The following CTNNA3 variants were observed in gnomAD, a reference collection of about 807,000 sequenced individuals.
The protein encoded by CTNNA3 is catenin alpha 3.
In CTNNA3, 76 loss-of-function variants were observed where a neutral mutation model predicts 95.7. That is an observed-to-expected ratio of 0.79 (90% CI 0.66 to 0.96). CTNNA3 has a LOEUF of 0.96. Among genes scored for constraint, CTNNA3 ranks in the 40% least tolerant of loss-of-function variants. The probability of loss-of-function intolerance (pLI) is 0.00; values close to 1 mark genes in which losing one functional copy is unlikely to be tolerated. For synonymous variants in CTNNA3, 431 were observed against 374.4 expected, an observed-to-expected ratio of 1.15 and a Z score of -1.74; for missense variants, 1,191 against 1,089.8, an observed-to-expected ratio of 1.09 and a Z score of -1.31.
chr10:66,273,622 A>G (rs2091328708), intron 13 of CTNNA3, among the ~76,000 whole-genome samples: 1 of 152,210 alleles, frequency 6.6e-6, no homozygotes, highest in Non-Finnish European at 1.5e-5. Flanking sequence ...CGAGGCTAAA[A>G]TTTAATTTTA....
chr10:66,355,837 T>C (rs1262640688), intron 12 of CTNNA3, among the ~76,000 whole-genome samples: 1 of 152,020 alleles, frequency 6.6e-6, no homozygotes, highest in Non-Finnish European at 1.5e-5. Flanking sequence ...CTATTGTAAT[T>C]TAAAGCTGTT....
chr10:67,430,623 AG>A (rs1018919943), intron 5 of CTNNA3, among the ~76,000 whole-genome samples: 3 of 151,914 alleles, frequency 2.0e-5, no homozygotes, highest in Non-Finnish European at 2.9e-5. Flanking sequence ...ACTCAGGTCC[AG>A]GTCATTCATT....
At chr10:66,972,066 C>G (rs1175387962) in intron 7 of CTNNA3, among the ~76,000 whole-genome samples, 2 of 152,246 alleles carry the variant, frequency 1.3e-5, no homozygotes, top group Admixed American at 1.3e-4. Flanking sequence ...ATCTTGAACT[C>G]TACACTCCAC....
intron 7 of CTNNA3, among the ~76,000 whole-genome samples, chr10:67,134,374 G>T (rs568441656): frequency 6.6e-6 from 1 of 152,080 alleles, no homozygotes; most frequent in African/African-American, 2.4e-5. Flanking sequence ...TCTGCTACAG[G>T]TTGGCACCAT....
chr10:67,484,163 G>A (rs1446656200), intron 5 of CTNNA3, among the ~76,000 whole-genome samples: 2 of 152,240 alleles, frequency 1.3e-5, no homozygotes, highest in South Asian at 4.1e-4. Context: ...AGAGAGCCCA[G>A]AATCAAAGCT....
At chr10:67,097,984 A>G in intron 7 of CTNNA3, 2 of 593,396 alleles carry the variant, frequency 3.4e-6, no homozygotes, top group South Asian at 4.1e-5. Context: ...TACACTTTGT[A>G]ATTAGCTAAG....
At chr10:67,181,428 TAGGCATAATGTG>T (rs1202967669) in intron 6 of CTNNA3, among the ~76,000 whole-genome samples, 1 of 152,146 alleles carries the variant, frequency 6.6e-6, no homozygotes, top group Admixed American at 6.6e-5. Flanking sequence ...TTTCCAAGAT[TAGGCATAATGTG>T]AGAATTGAAG....
At position 66,491,379 on chromosome 10, in the gene CTNNA3, T is replaced by A. The variant is rs535597807; in HGVS notation, c.1531+29238A>T. 7.5e-4 allele frequency among the ~76,000 whole-genome samples: 114 copies of A among 152,320 alleles called. 1 individual carries two copies. Among genetic ancestry groups the A allele is most frequent in the Non-Finnish European group, 1.5e-3 (101 of 68,014 alleles). ...TTTCTTGTTCTCCAGAACCATATAATCCAGCTGAAACAGTTTACAAAATTT... is the reference window on the plus strand; with the variant it reads ...TTTCTTGTTCTCCAGAACCATATAAACCAGCTGAAACAGTTTACAAAATTT... On this transcript the variant is annotated intron_variant, in intron 11 of 17. Transcript: ENST00000433211.
chr10:66,884,920 G>C (rs963662450), intron 7 of CTNNA3, among the ~76,000 whole-genome samples: 5 of 151,948 alleles, frequency 3.3e-5, no homozygotes, highest in Admixed American at 3.3e-4. Context: ...GAGCAAGGAG[G>C]GTCATAAGTT....
At position 67,675,825 on chromosome 10, in the gene CTNNA3, C is replaced by A. The variant is rs12415645; in HGVS notation, c.-6+20175G>T. ...CCCTGTCAACTGGTAGTTTTTGTTT[C>A]TTTTTATTGTTTTTTCAGTCTTTTA... is the stretch of plus-strand genomic sequence containing the variant. On this transcript the variant is annotated intron_variant, in intron 1 of 17. Coordinates refer to ENST00000433211, the MANE Select transcript of CTNNA3 (RefSeq NM_013266.4). Among the ~76,000 whole-genome samples, 5,156 of 151,944 alleles carry A rather than the reference C, an allele frequency of 0.034. 614 individuals are homozygous for A. In the East Asian group the frequency reaches 0.44, roughly 13 times the overall value.
At chr10:66,754,302 G>A (rs1839281477) in intron 9 of CTNNA3, among the ~76,000 whole-genome samples, 1 of 152,028 alleles carries the variant, frequency 6.6e-6, no homozygotes, top group African/African-American at 2.4e-5. Context: ...GGAATAAATG[G>A]GAATCTACAT....
intron 12 of CTNNA3, among the ~76,000 whole-genome samples, chr10:66,332,204 G>T (rs2092338943): frequency 6.6e-6 from 1 of 151,894 alleles, no homozygotes; most frequent in African/African-American, 2.4e-5. Flanking sequence ...GGGACAATTT[G>T]ACTTCCTCTT....
chr10:67,588,846 T>C (rs1413367080), intron 3 of CTNNA3, among the ~76,000 whole-genome samples: 1 of 152,110 alleles, frequency 6.6e-6, no homozygotes, highest in Non-Finnish European at 1.5e-5. Context: ...AAAACTATTT[T>C]ATACTAATAT....
intron 7 of CTNNA3, among the ~76,000 whole-genome samples, chr10:67,088,819 G>GGCAAA (rs1278707666): frequency 6.6e-5 from 10 of 151,878 alleles, no homozygotes; most frequent in Non-Finnish European, 1.3e-4. Flanking sequence ...TTTATATTGA[G>GGCAAA]TTCCTGCCTT....
At chr10:67,567,390 A>G (rs1263582292) in intron 3 of CTNNA3, among the ~76,000 whole-genome samples, 1 of 151,996 alleles carries the variant, frequency 6.6e-6, no homozygotes, top group Admixed American at 6.6e-5. Context: ...AAAATTGTGT[A>G]TAAATGAATG....
chr10:66,942,472 A>T (rs1430590468), intron 7 of CTNNA3, among the ~76,000 whole-genome samples: 1 of 151,888 alleles, frequency 6.6e-6, no homozygotes, highest in East Asian at 1.9e-4. Flanking sequence ...ATTCAACATC[A>T]TTTCCATTTC....
intron 11 of CTNNA3, among the ~76,000 whole-genome samples, chr10:66,494,024 C>T (rs1840019681): frequency 6.6e-6 from 1 of 150,512 alleles, no homozygotes; most frequent in Admixed American, 6.6e-5. Flanking sequence ...TCTCCTGCCT[C>T]AGCCTCTCGA....
At chr10:67,034,474 A>T (rs913009375) in intron 7 of CTNNA3, among the ~76,000 whole-genome samples, 5 of 151,592 alleles carry the variant, frequency 3.3e-5, no homozygotes, top group African/African-American at 1.2e-4. Flanking sequence ...CAGTGCCTAT[A>T]CTCTCTAGTG....
At chr10:66,427,647 A>G (rs1401135159) in intron 11 of CTNNA3, among the ~76,000 whole-genome samples, 1 of 152,140 alleles carries the variant, frequency 6.6e-6, no homozygotes. Context: ...AAGCCATTTC[A>G]GCATATGAGT....
Sources: allele counts gnomAD v4.1 joint callset (sites outside exome capture counted in the v4.1 genomes callset), GRCh38; gene constraint gnomAD v4.1.1; transcripts MANE v1.5; gene names NCBI Gene and HGNC (gene_info 2026-07-23, HGNC 2026-07-21).